TENT2: variants seen among roughly 807,000 people sequenced by gnomAD.
TENT2 encodes the protein poly(A) RNA polymerase GLD2.
TENT2 carries 44 observed loss-of-function variants against 72.2 expected under a neutral mutation model. The ratio of observed to expected loss-of-function variants is 0.61; its 90% CI spans 0.48 to 0.78. TENT2 has a LOEUF of 0.78. Among genes scored for constraint, TENT2 ranks in the 30% least tolerant of loss-of-function variants. The pLI, the probability that TENT2 is intolerant of heterozygous loss-of-function variation, is 0.00. For missense variants in TENT2, 541 were observed against 569.6 expected, an observed-to-expected ratio of 0.95 and a Z score of 0.51; for synonymous variants, 212 against 192.5, an observed-to-expected ratio of 1.10 and a Z score of -0.84.
At chr5:79,668,173 C>T (rs1809999899) in intron 11 of TENT2, among the ~76,000 whole-genome samples, 4 of 151,862 alleles carry the variant, frequency 2.6e-5, no homozygotes, top group Admixed American at 2.6e-4. Flanking sequence ...AGAATAAGTA[C>T]CCGTTAGTAT....
chr5:79,649,386 GT>G (rs372101489), intron 10 of TENT2, among the ~76,000 whole-genome samples, 196 bp downstream of exon 10: 56 of 140,038 alleles, frequency 4.0e-4, no homozygotes, highest in East Asian at 1.2e-3. Flanking sequence ...AAGTTTCACT[GT>G]TTTTTTTTTT....
chr5:79,625,438 G>A (rs936107668), intron 4 of TENT2, among the ~76,000 whole-genome samples: 2 of 152,080 alleles, frequency 1.3e-5, no homozygotes, highest in Non-Finnish European at 2.9e-5. Context: ...TCCTTTGGTT[G>A]GTTGTGCTTT....
intron 11 of TENT2, among the ~76,000 whole-genome samples, chr5:79,658,220 A>T (rs959861993): frequency 3.3e-5 from 5 of 152,192 alleles, no homozygotes; most frequent in African/African-American, 1.2e-4. Flanking sequence ...TATTATGAAG[A>T]ATTATTATAA....
rs1299143263 is a variant in TENT2, at chr5:79,687,988, G to A, written c.*2715G>A. On this transcript the variant is annotated 3_prime_UTR_variant, in exon 15 of 15. Transcript: ENST00000453514. ...TTACTGATGGTGAAGTCTAGCTGGT[G>A]TTAAGAGAATAAATATTGCTGATGC... 7.1e-6 allele frequency among the ~76,000 whole-genome samples: 1 copy of A among 141,004 alleles called. No individual in the cohort carries two copies. Among genetic ancestry groups the A allele is most frequent in the African/African-American group, 2.9e-5 (1 of 34,064 alleles). 92.5% of individuals were successfully genotyped at this position (141,004 alleles called of 152,430 possible). A position where few individuals can be genotyped will look rare whatever the true frequency, so the allele number is the denominator to read the frequency against.
Position 79,621,198 on chromosome 5 carries a change from G to A in TENT2, c.227+1115G>A, listed in dbSNP as rs150141368. ...ACAACTAACGGTTTGATTAAATCAC[G>A]TAACACTGAGGTAGATACTATTATC... On this transcript the variant is annotated intron_variant, in intron 3 of 14. Transcript: ENST00000453514. Among the ~76,000 whole-genome samples, 673 of 151,984 alleles carry A rather than the reference G, an allele frequency of 4.4e-3. 1 individual carries two copies. The highest frequency in any genetic ancestry group is 6.9e-3 in the Non-Finnish European group (466 of 67,982).
intron 1 of TENT2, among the ~76,000 whole-genome samples, chr5:79,616,189 ATTTTTTT>A (rs1229523040): frequency 1.4e-4 from 12 of 88,120 alleles, no homozygotes; most frequent in South Asian, 3.6e-4. Context: ...ACCCGGCCTA[ATTTTTTT>A]TTTTTTTTTT....
At chr5:79,630,417 C>G (rs1774357562) in intron 4 of TENT2, among the ~76,000 whole-genome samples, 1 of 152,094 alleles carries the variant, frequency 6.6e-6, no homozygotes, top group African/African-American at 2.4e-5. Flanking sequence ...AACTCCATCT[C>G]TTTTAAACAT....
intron 13 of TENT2, among the ~76,000 whole-genome samples, chr5:79,681,123 C>T (rs1334608112): frequency 6.9e-6 from 1 of 144,176 alleles, no homozygotes; most frequent in Non-Finnish European, 1.5e-5. Context: ...ATTTCTCATG[C>T]AAGTTACTTC....
At chr5:79,664,011 T>TA (rs1258939336) in intron 11 of TENT2, among the ~76,000 whole-genome samples, 12 of 152,142 alleles carry the variant, frequency 7.9e-5, no homozygotes, top group African/African-American at 2.7e-4. Flanking sequence ...ATAAAAGTAA[T>TA]ACAAATAAAA....
rs1408886486 is a variant in TENT2, at chr5:79,686,651, G to A, written c.*1378G>A. 3 of 151,998 alleles carry A rather than the reference G, an allele frequency of 2.0e-5. No individual in the cohort carries two copies. Among genetic ancestry groups the A allele is most frequent in the African/African-American group, 7.2e-5 (3 of 41,404 alleles). The allele number at this position is 151,998 out of a possible 1,614,324, so 9.4% of individuals were successfully genotyped here. ...AAAATTTATATATGGACATTGTTGA[G>A]GTGCCTTTTTTTTCTGTGAAAATCT... On this transcript the variant is annotated 3_prime_UTR_variant, in exon 15 of 15. Transcript: ENST00000453514.
intron 13 of TENT2, 41 bp from the exon 14 acceptor site, chr5:79,681,941 T>G (rs777430125): frequency 6.6e-7 from 1 of 1,524,860 alleles, no homozygotes; most frequent in South Asian, 1.2e-5. Context: ...GTAGCTCTCA[T>G]TTTAATAATT....
intron 4 of TENT2, among the ~76,000 whole-genome samples, chr5:79,636,503 A>G (rs1436098731): frequency 6.6e-6 from 1 of 152,240 alleles, no homozygotes; most frequent in Non-Finnish European, 1.5e-5. Flanking sequence ...GAAGTCAGGT[A>G]GGTTAAATTC....
intron 4 of TENT2, among the ~76,000 whole-genome samples, chr5:79,630,365 G>A (rs10942896): frequency 0.11 from 17,313 of 152,104 alleles, 1,114 homozygotes; most frequent in East Asian, 0.29. Flanking sequence ...GGCCAAGGTG[G>A]GTGGATCGCC....
chr5:79,653,013 G>A (rs564552149), intron 10 of TENT2, among the ~76,000 whole-genome samples: 7 of 151,852 alleles, frequency 4.6e-5, no homozygotes, highest in African/African-American at 1.7e-4. Flanking sequence ...TTATATTTTA[G>A]TTGTGATTTA....
rs779964202 is a variant in TENT2 at position 79,658,631 on chromosome 5, T to C, written c.1071+1630T>C. 5.2e-4 allele frequency among the ~76,000 whole-genome samples: 79 copies of C among 152,354 alleles called. 1 individual carries two copies. Among genetic ancestry groups the C allele is most frequent in the Non-Finnish European group, 5.9e-4 (40 of 68,030 alleles). ...GTGTCAGTGTAGAAAGAGTTGCATA[T>C]GTTCTTTAGCAAAGGAGCTAATAAA... On this transcript the variant is annotated intron_variant, in intron 11 of 14. Transcript: ENST00000453514.
At chr5:79,625,512 TA>T (rs912415632) in intron 4 of TENT2, among the ~76,000 whole-genome samples, 1 of 152,122 alleles carries the variant, frequency 6.6e-6, no homozygotes, top group Non-Finnish European at 1.5e-5. Context: ...TGCTAATTTT[TA>T]AAATTTATTT....
rs140876791 is a variant in TENT2, at chr5:79,648,983, T to C, written c.899-79T>C. ...ACGGAGACAGTGTTCTTTGTTTTGG[T>C]ATGGAGCTGGGAAATGATGTAAACT... On this transcript the variant is annotated intron_variant, in intron 9 of 14. Coordinates refer to ENST00000453514, the MANE Select transcript of TENT2 (RefSeq NM_001114394.3). 9.1e-5 allele frequency: 132 copies of C among 1,448,754 alleles called. 1 individual carries two copies. The African/African-American group carries it at 1.4e-3, about 15-fold the overall frequency. The allele number at this position is 1,448,754 out of a possible 1,614,324, so 89.7% of individuals were successfully genotyped here. A position where few individuals can be genotyped will look rare whatever the true frequency, so the allele number is the denominator to read the frequency against.
intron 4 of TENT2, among the ~76,000 whole-genome samples, chr5:79,633,473 T>A (rs1199676179): frequency 3.0e-4 from 41 of 136,924 alleles, no homozygotes; most frequent in Non-Finnish European, 3.1e-5. Context: ...AGAGTTTCGC[T>A]CTTGTTGCCC....
At chr5:79,626,104 G>A (rs1769526420) in intron 4 of TENT2, among the ~76,000 whole-genome samples, 1 of 152,014 alleles carries the variant, frequency 6.6e-6, no homozygotes. Flanking sequence ...TGGGATTACA[G>A]GTGTGAGCCA....
Sources: gnomAD v4.1 joint callset for allele counts (sites outside exome capture counted in the v4.1 genomes callset) on GRCh38, gnomAD v4.1.1 for gene constraint, MANE v1.5 for transcripts, NCBI Gene and HGNC (gene_info 2026-07-23, HGNC 2026-07-21) for gene names.